The following USP34 variants were observed in gnomAD, a reference collection of about 807,000 sequenced individuals.
The protein encoded by USP34 is ubiquitin specific peptidase 34, also known as ubiquitin carboxyl-terminal hydrolase 34.
Under a neutral mutation model 460.3 loss-of-function variants are expected in USP34, and 70 were observed. The observed-to-expected ratio is 0.15, with a 90% CI of 0.13 to 0.19. The LOEUF is 0.19. Among genes scored for constraint, USP34 ranks in the 10% least tolerant of loss-of-function variants. USP34 has a pLI of 1.00. For missense variants in USP34, 3,985 were observed against 4,236.2 expected (o/e 0.94, Z 1.65); for synonymous variants, 1,647 against 1,405.3 (o/e 1.17, Z -3.85).
At chr2:61,275,755 C>A (rs1689355008) in intron 41 of USP34, among the ~76,000 whole-genome samples, 1 of 151,930 alleles carries the variant, frequency 6.6e-6, no homozygotes, top group African/African-American at 2.4e-5. Context: ...AAAGCTTGGC[C>A]AAGTGAAGAG....
chr2:61,213,950 G>A, intron 68 of USP34, 110 bp downstream of exon 68: 1 of 1,301,964 alleles, frequency 7.7e-7, no homozygotes, highest in Non-Finnish European at 1.1e-6. Flanking sequence ...AAGTTCTTAA[G>A]AAAGAATGGT....
At chr2:61,347,388 T>C (rs1036735392) in intron 15 of USP34, among the ~76,000 whole-genome samples, 5 of 152,116 alleles carry the variant, frequency 3.3e-5, no homozygotes, top group Admixed American at 2.6e-4. Flanking sequence ...TTGTTCAACG[T>C]TTTGCTTTTG....
intron 32 of USP34, among the ~76,000 whole-genome samples, chr2:61,294,251 C>G (rs535215517): frequency 6.6e-6 from 1 of 151,670 alleles, no homozygotes; most frequent in East Asian, 2.0e-4. Flanking sequence ...GAGGCTGAGG[C>G]AGGAGAATCG....
Position 61,284,730 on chromosome 2 carries a change from C to G in USP34, c.4832+145G>C, listed in dbSNP as rs77542524. On this transcript the variant is annotated intron_variant, in intron 35 of 79. Transcript: ENST00000398571. ...ACATTTTAGCAACAGGTTAATAATA[C>G]GTAAATTTGGATGGAAGGTATGAGA... The G allele has an allele frequency of 5.1e-6, 3 of 583,762 alleles. No homozygotes were observed. The African/African-American group carries it at 5.6e-5, about 11-fold the overall frequency. 36.2% of individuals were successfully genotyped at this position (583,762 alleles called of 1,614,324 possible).
At chr2:61,241,009 T>C (rs1688240867) in intron 53 of USP34, among the ~76,000 whole-genome samples, 1 of 152,098 alleles carries the variant, frequency 6.6e-6, no homozygotes, top group Non-Finnish European at 1.5e-5. Flanking sequence ...ACCTCACAAA[T>C]TGTTAAGTCA....
intron 34 of USP34, among the ~76,000 whole-genome samples, chr2:61,287,024 G>A (rs1689710926): frequency 6.6e-6 from 1 of 152,154 alleles, no homozygotes; most frequent in Non-Finnish European, 1.5e-5. Flanking sequence ...TTATAGTAAT[G>A]TAAGGTTACT....
At chr2:61,226,392 G>A (rs1030940582) in intron 62 of USP34, among the ~76,000 whole-genome samples, 2 of 152,156 alleles carry the variant, frequency 1.3e-5, no homozygotes, top group African/African-American at 4.8e-5. Flanking sequence ...GCAAATGGGT[G>A]AATTTGCAAA....
At chr2:61,359,448 A>G in intron 10 of USP34, among the ~76,000 whole-genome samples, 1 of 152,238 alleles carries the variant, frequency 6.6e-6, no homozygotes, top group Non-Finnish European at 1.5e-5. Context: ...ATCAAAACAC[A>G]TCAAATACTT....
intron 2 of USP34, among the ~76,000 whole-genome samples, chr2:61,418,300 G>A (rs574655792): frequency 6.6e-6 from 1 of 151,336 alleles, no homozygotes; most frequent in Non-Finnish European, 1.5e-5. Flanking sequence ...GGCTGGTCTC[G>A]AACTCCTGAC....
At chr2:61,334,857 A>G (rs557249164) in intron 18 of USP34, among the ~76,000 whole-genome samples, 3 of 152,344 alleles carry the variant, frequency 2.0e-5, no homozygotes, top group African/African-American at 4.8e-5. Flanking sequence ...TCCAGAATTT[A>G]TAAGTGCTGA....
chr2:61,441,126 CAA>C (rs1201299279), intron 1 of USP34, among the ~76,000 whole-genome samples: 1 of 122,112 alleles, frequency 8.2e-6, no homozygotes, highest in Non-Finnish European at 1.7e-5. Context: ...AGAGCCGCCT[CAA>C]AAAAAAAAAA....
intron 67 of USP34, 159 bp downstream of exon 67, chr2:61,220,151 T>TA (rs60784334): frequency 0.011 from 1,939 of 169,128 alleles, 70 homozygotes; most frequent in Non-Finnish European, 0.013. Flanking sequence ...TTTCCTATCC[T>TA]AAAAAAAAAA....
chr2:61,284,775 C>G, intron 35 of USP34, 100 bp downstream of exon 35: 1 of 911,692 alleles, frequency 1.1e-6, no homozygotes, highest in Non-Finnish European at 1.6e-6. Context: ...ATAATATCCC[C>G]CAAATTTTTC....
intron 1 of USP34, among the ~76,000 whole-genome samples, chr2:61,465,080 G>T (rs536541394): frequency 1.3e-5 from 2 of 152,194 alleles, no homozygotes; most frequent in South Asian, 2.1e-4. Flanking sequence ...AAAGAAAATG[G>T]CAAGTCCAGT....
At chr2:61,395,682 A>G (rs1162132683) in intron 3 of USP34, among the ~76,000 whole-genome samples, 1 of 143,134 alleles carries the variant, frequency 7.0e-6, no homozygotes, top group Non-Finnish European at 1.5e-5. Flanking sequence ...GCTACTCGGG[A>G]GGCTGAGGCA....
chr2:61,431,950 C>A (rs1454424790), intron 1 of USP34, among the ~76,000 whole-genome samples: 1 of 152,040 alleles, frequency 6.6e-6, no homozygotes, highest in Non-Finnish European at 1.5e-5. Flanking sequence ...ACAATAATTA[C>A]CCCAATTTGA....
intron 7 of USP34, among the ~76,000 whole-genome samples, 164 bp from the exon 8 acceptor site, chr2:61,378,588 T>TAA: frequency 6.6e-6 from 1 of 152,094 alleles, no homozygotes; most frequent in Non-Finnish European, 1.5e-5. Flanking sequence ...TCCCAATTAC[T>TAA]AAAACTATTT....
At chr2:61,387,991 G>A (rs927709135) in intron 5 of USP34, among the ~76,000 whole-genome samples, 1 of 150,508 alleles carries the variant, frequency 6.6e-6, no homozygotes, top group Admixed American at 6.6e-5. Context: ...AAAAGGCCAG[G>A]TGGAGTGGCT....
At chr2:61,417,867 G>A (rs1191383449) in intron 2 of USP34, among the ~76,000 whole-genome samples, 12 of 149,204 alleles carry the variant, frequency 8.0e-5, no homozygotes, top group South Asian at 2.1e-4. Flanking sequence ...TCAGGCTCCC[G>A]AGTAGCTGGG....
Sources: gnomAD v4.1 joint callset for allele counts (sites outside exome capture counted in the v4.1 genomes callset) on GRCh38, gnomAD v4.1.1 for gene constraint, MANE v1.5 for transcripts, NCBI Gene and HGNC (gene_info 2026-07-23, HGNC 2026-07-21) for gene names.